The following LIPC variants were observed in gnomAD, a reference collection of about 807,000 sequenced individuals.
LIPC encodes hepatic triacylglycerol lipase.
LIPC carries 44 observed loss-of-function variants against 50.7 expected under a neutral mutation model. The observed-to-expected ratio is 0.87, with a 90% confidence interval of 0.68 to 1.11. LIPC has a LOEUF of 1.11. Ranked by LOEUF, LIPC falls within the 50% of genes most tolerant of loss-of-function variation. LIPC has a pLI of 0.00. For missense variants in LIPC, 697 were observed against 648.2 expected (o/e 1.08, Z -0.82); for synonymous variants, 271 against 256.4 (o/e 1.06, Z -0.54).
At chr15:58,461,633 G>C (rs1342465424) in intron 1 of LIPC, among the ~76,000 whole-genome samples, 1 of 151,530 alleles carries the variant, frequency 6.6e-6, no homozygotes, top group Non-Finnish European at 1.5e-5. Flanking sequence ...GGCCAGGCTG[G>C]TCTCGAACTC....
chr15:58,556,967 T>A (rs902515103), intron 6 of LIPC, among the ~76,000 whole-genome samples: 2 of 152,270 alleles, frequency 1.3e-5, no homozygotes, highest in African/African-American at 4.8e-5. Context: ...ATAGTAGTTA[T>A]CATAATTGCT....
intron 1 of LIPC, among the ~76,000 whole-genome samples, chr15:58,501,754 C>T (rs1891992500): frequency 6.6e-6 from 1 of 151,904 alleles, no homozygotes; most frequent in Admixed American, 6.5e-5. Context: ...TTTTTTAGAA[C>T]AAGCAAACCC....
chr15:58,557,409 T>G lies in LIPC; in HGVS notation c.1052-3455T>G, dbSNP rs1404037609. Among the ~76,000 whole-genome samples, 9 of 64,834 alleles carry G rather than the reference T, an allele frequency of 1.4e-4. No homozygotes were observed. The Admixed American group carries it at 1.5e-3, about 11-fold the overall frequency. The allele number at this position is 64,834 out of a possible 152,430, so 42.5% of individuals were successfully genotyped here. ...TTTTTTTTTTTTTTTTTTTGAGATG[T>G]AGTCTTGCTCTGTCACCCAGGCTGG... On this transcript the variant is annotated intron_variant, in intron 6 of 8. Transcript: ENST00000299022.
intron 1 of LIPC, among the ~76,000 whole-genome samples, chr15:58,437,843 C>T (rs1893359489): frequency 6.6e-6 from 1 of 152,200 alleles, no homozygotes; most frequent in Admixed American, 6.5e-5. Flanking sequence ...CAGGGAAATT[C>T]TATCTTTCCC....
chr15:58,478,566 C>T (rs1488334068), intron 1 of LIPC, among the ~76,000 whole-genome samples: 1 of 152,126 alleles, frequency 6.6e-6, no homozygotes, highest in African/African-American at 2.4e-5. Context: ...AATCCTGGAA[C>T]AACCATATAA....
chr15:58,445,211 G>A (rs1301806346), intron 1 of LIPC, among the ~76,000 whole-genome samples: 2 of 152,242 alleles, frequency 1.3e-5, no homozygotes, highest in African/African-American at 4.8e-5. Context: ...CCAAGAAGGC[G>A]CCGTTTAGCT....
chr15:58,557,921 G>T (rs1382584858), intron 6 of LIPC, among the ~76,000 whole-genome samples: 1 of 152,102 alleles, frequency 6.6e-6, no homozygotes, highest in Non-Finnish European at 1.5e-5. Context: ...TTACAAGACT[G>T]TTCATTTGTT....
Position 58,456,975 on chromosome 15 carries a change from A to C in LIPC, c.88+24855A>C, listed in dbSNP as rs115626852. ...GTGGCATACCCAGGGAAACAGAGCT[A>C]AGTGAGAACTAGGCTCCAGCAGAGA... On this transcript the variant is annotated intron_variant, in intron 1 of 8. Transcript: ENST00000299022. Among the ~76,000 whole-genome samples, 1,500 of 152,328 alleles carry C rather than the reference A, an allele frequency of 9.8e-3. 24 individuals carry two copies. Among genetic ancestry groups the C allele is most frequent in the African/African-American group, 0.034 (1,414 of 41,568 alleles).
chr15:58,552,581 C>T (rs1316383821), intron 6 of LIPC, among the ~76,000 whole-genome samples: 1 of 152,182 alleles, frequency 6.6e-6, no homozygotes, highest in African/African-American at 2.4e-5. Flanking sequence ...CTCCCTGGGT[C>T]GGGGGTGAGG....
At chr15:58,563,265 C>A (rs181084356) in intron 7 of LIPC, among the ~76,000 whole-genome samples, 1 of 148,776 alleles carries the variant, frequency 6.7e-6, no homozygotes, top group Admixed American at 6.6e-5. Flanking sequence ...CTTCTCGGAG[C>A]CTTTTTGATG....
At chr15:58,492,102 C>T (rs1891606752) in intron 1 of LIPC, among the ~76,000 whole-genome samples, 1 of 152,154 alleles carries the variant, frequency 6.6e-6, no homozygotes, top group African/African-American at 2.4e-5. Flanking sequence ...CACCCAGAAT[C>T]TGACAGCAGG....
Position 58,471,329 on chromosome 15 carries a change from G to GGGGC in LIPC, c.88+39212_88+39213insCGGG, listed in dbSNP as rs1555399300. Among the ~76,000 whole-genome samples, 5 of 7,368 alleles carry GGGGC rather than the reference G, an allele frequency of 6.8e-4. 1 individual carries two copies. The highest frequency in any genetic ancestry group is 1.9e-3 in the Non-Finnish European group (3 of 1,564). The allele number at this position is 7,368 out of a possible 152,430, so 4.8% of individuals were successfully genotyped here. A position where few individuals can be genotyped will look rare whatever the true frequency, so the allele number is the denominator to read the frequency against. On this transcript the variant is annotated intron_variant, in intron 1 of 8. Transcript: ENST00000299022. ...TTTTTTTTGTATTTTTAGTAGAGATGGGGGGGGGTGGTCTCACCATGTTGG... is the reference window on the plus strand; with the variant it reads ...TTTTTTTTGTATTTTTAGTAGAGATGGGGCGGGGGGGGTGGTCTCACCATGTTGG...
At chr15:58,496,945 A>C (rs756802862) in intron 1 of LIPC, among the ~76,000 whole-genome samples, 2 of 152,048 alleles carry the variant, frequency 1.3e-5, no homozygotes, top group Non-Finnish European at 1.5e-5. Context: ...TCAGCCTCCC[A>C]AAGTGCTGGG....
intron 1 of LIPC, among the ~76,000 whole-genome samples, chr15:58,457,857 C>G (rs1894190507): frequency 1.3e-5 from 2 of 152,194 alleles, no homozygotes; most frequent in Non-Finnish European, 2.9e-5. Flanking sequence ...TCCACTCTAT[C>G]CCGGGCCCAT....
intron 1 of LIPC, among the ~76,000 whole-genome samples, chr15:58,515,140 C>T (rs528123186): frequency 6.6e-6 from 1 of 152,248 alleles, no homozygotes; most frequent in South Asian, 2.1e-4. Context: ...CTTATAAGAA[C>T]CCTTGTGATT....
Position 58,477,899 on chromosome 15 carries a change from C to T in LIPC, c.88+45779C>T, listed in dbSNP as rs547790855. Among the ~76,000 whole-genome samples, 13 of 152,160 alleles carry T rather than the reference C, an allele frequency of 8.5e-5. 1 individual carries two copies. The highest frequency in any genetic ancestry group is 1.8e-4 in the Non-Finnish European group (12 of 68,016). Reference sequence around the variant, plus strand: ...GGAAAATTTGAGCCACATGGCAGTCCGCAGGTGCCCACAAGTCCCTCTATG... The same window carrying T: ...GGAAAATTTGAGCCACATGGCAGTCTGCAGGTGCCCACAAGTCCCTCTATG... On this transcript the variant is annotated intron_variant, in intron 1 of 8. Coordinates refer to ENST00000299022, the MANE Select transcript of LIPC (RefSeq NM_000236.3).
chr15:58,532,227 G>A (rs1423128129), intron 1 of LIPC, among the ~76,000 whole-genome samples: 2 of 152,184 alleles, frequency 1.3e-5, no homozygotes, highest in Admixed American at 6.5e-5. Flanking sequence ...CTCAGCAACA[G>A]CTAGGAGCTG....
intron 1 of LIPC, among the ~76,000 whole-genome samples, chr15:58,467,620 G>C (rs1355780503): frequency 6.6e-6 from 1 of 152,078 alleles, no homozygotes; most frequent in Non-Finnish European, 1.5e-5. Context: ...CATTTGCTCG[G>C]CTACTTTTTC....
At chr15:58,452,559 T>G (rs372370257) in intron 1 of LIPC, among the ~76,000 whole-genome samples, 3 of 152,366 alleles carry the variant, frequency 2.0e-5, no homozygotes, top group African/African-American at 7.2e-5. Flanking sequence ...TCAGTTCGAT[T>G]ATTAAGTTAT....
Sources: gnomAD v4.1 joint callset for allele counts (sites outside exome capture counted in the v4.1 genomes callset) on GRCh38, gnomAD v4.1.1 for gene constraint, MANE v1.5 for transcripts, NCBI Gene and HGNC (gene_info 2026-07-23, HGNC 2026-07-21) for gene names.